Variants in CHD7 observed in about 807,000 individuals in gnomAD.
The protein encoded by CHD7 is ATP-dependent chromatin remodeler CHD7.
In CHD7, 24 loss-of-function variants were observed where a neutral mutation model predicts 307.3. The ratio of observed to expected loss-of-function variants is 0.08; its 90% CI spans 0.06 to 0.11. The LOEUF (loss-of-function observed/expected upper bound fraction) is 0.11. Among genes scored for constraint, CHD7 ranks in the 10% least tolerant of loss-of-function variants. The pLI, the probability that CHD7 is intolerant of heterozygous loss-of-function variation, is 1.00. For synonymous variants in CHD7, 1,363 were observed against 1,349.9 expected (o/e 1.01, Z -0.21); for missense variants, 3,106 against 3,727.1 (o/e 0.83, Z 4.34).
At chr8:60,812,053 A>C (rs998522283) in intron 7 of CHD7, among the ~76,000 whole-genome samples, 4 of 152,066 alleles carry the variant, frequency 2.6e-5, no homozygotes, top group African/African-American at 7.2e-5. Context: ...TTAGTTCTTT[A>C]TCTTGGGTTA....
At chr8:60,773,705 T>A (rs1056920910) in intron 2 of CHD7, among the ~76,000 whole-genome samples, 20 of 152,128 alleles carry the variant, frequency 1.3e-4, no homozygotes, top group Non-Finnish European at 2.5e-4. Context: ...CGGGCTAATT[T>A]TTTTGTGGTT....
At chr8:60,702,784 C>T (rs901628214) in intron 1 of CHD7, among the ~76,000 whole-genome samples, 2 of 152,248 alleles carry the variant, frequency 1.3e-5, no homozygotes, top group African/African-American at 4.8e-5. Context: ...CTATTTAGCA[C>T]ATACTTTTGT....
intron 2 of CHD7, among the ~76,000 whole-genome samples, chr8:60,758,038 T>C (rs918648666): frequency 6.6e-6 from 1 of 152,246 alleles, no homozygotes; most frequent in African/African-American, 2.4e-5. Flanking sequence ...ATTTACCATA[T>C]CAGAAATGAA....
rs1391310600 is a variant in CHD7, at chr8:60,867,966, CAAAG to C, written c.*2035_*2038del. The C allele has an allele frequency of 6.6e-6, 1 of 151,720 alleles. No homozygotes were observed. The highest frequency in any genetic ancestry group is 1.5e-5 in the Non-Finnish European group (1 of 68,030). The allele number at this position is 151,720 out of a possible 1,614,324, so 9.4% of individuals were successfully genotyped here. A position where few individuals can be genotyped will look rare whatever the true frequency, so the allele number is the denominator to read the frequency against. ...ATAGGAAATTTAAGTATTTAAGTAA[CAAAG>C]ATGTTAGCAGGGAGAATTTGCTTAA... On this transcript the variant is annotated 3_prime_UTR_variant, in exon 38 of 38. Transcript: ENST00000423902.
At chr8:60,780,979 A>G (rs1043674052) in intron 2 of CHD7, 21 bp from the exon 3 acceptor site, 3 of 1,505,652 alleles carry the variant, frequency 2.0e-6, no homozygotes, top group African/African-American at 2.8e-5. Flanking sequence ...ACTAATTTCA[A>G]TTCCTATTTG....
chr8:60,692,682 A>AT (rs1184918736), intron 1 of CHD7, among the ~76,000 whole-genome samples: 1 of 152,118 alleles, frequency 6.6e-6, no homozygotes, highest in Admixed American at 6.5e-5. Flanking sequence ...TCCCTTTTGG[A>AT]TAGAGGCCAT....
At chr8:60,848,217 G>A (rs1356634507) in intron 23 of CHD7, among the ~76,000 whole-genome samples, 2 of 152,208 alleles carry the variant, frequency 1.3e-5, no homozygotes, top group Non-Finnish European at 2.9e-5. Flanking sequence ...GGTAGGGTAC[G>A]TGTCTAAACT....
Position 60,716,750 on chromosome 8 carries a change from C to T in CHD7, c.-174-24509C>T, listed in dbSNP as rs77810853. On this transcript the variant is annotated intron_variant, in intron 1 of 37. Coordinates refer to ENST00000423902, the MANE Select transcript of CHD7 (RefSeq NM_017780.4). ...AAGGAATCGTTGTCCATAATGTTTA[C>T]TGATGCATCTCCAGTGCCTAGGACA... Among the ~76,000 whole-genome samples the T allele has an allele frequency of 6.5e-3, 996 of 152,330 alleles. 13 individuals carry two copies. Among genetic ancestry groups the T allele is most frequent in the Non-Finnish European group, 0.011 (724 of 68,030 alleles).
At chr8:60,830,668 T>C (rs1804468565) in intron 15 of CHD7, 91 bp downstream of exon 15, 1 of 1,415,816 alleles carries the variant, frequency 7.1e-7, no homozygotes, top group Non-Finnish European at 9.7e-7. Flanking sequence ...TCATGGTGTA[T>C]AGTCATTCCT....
At chr8:60,805,874 A>G (rs1344409318) in intron 6 of CHD7, among the ~76,000 whole-genome samples, 2 of 152,176 alleles carry the variant, frequency 1.3e-5, no homozygotes, top group Admixed American at 6.5e-5. Context: ...AATGCCTTCA[A>G]AATTGAAAAA....
intron 32 of CHD7, 27 bp from the exon 33 acceptor site, chr8:60,855,948 T>G (rs558700383): frequency 1.7e-5 from 25 of 1,489,510 alleles, no homozygotes; most frequent in Admixed American, 1.1e-4. Context: ...TTGTTAAAAT[T>G]TCTTGTGACT....
chr8:60,701,888 G>A (rs1362318697), intron 1 of CHD7, among the ~76,000 whole-genome samples: 5 of 152,228 alleles, frequency 3.3e-5, no homozygotes, highest in Admixed American at 3.3e-4. Flanking sequence ...ATGTAGGGTT[G>A]TTTTCTGCAC....
intron 1 of CHD7, among the ~76,000 whole-genome samples, chr8:60,740,820 C>T (rs948016921): frequency 2.0e-5 from 3 of 152,318 alleles, no homozygotes; most frequent in Non-Finnish European, 2.9e-5. Context: ...CTGATTACAC[C>T]GCTCAGGGGA....
chr8:60,830,663 G>A, intron 15 of CHD7, 86 bp downstream of exon 15: 4 of 1,457,704 alleles, frequency 2.7e-6, no homozygotes, highest in Non-Finnish European at 3.7e-6. Context: ...GGATTTCATG[G>A]TGTATAGTCA....
chr8:60,774,395 A>G (rs1337534248), intron 2 of CHD7, among the ~76,000 whole-genome samples: 1 of 152,242 alleles, frequency 6.6e-6, no homozygotes, highest in Non-Finnish European at 1.5e-5. Flanking sequence ...ATGTAACTAT[A>G]CAACAGATGA....
chr8:60,838,521 A>T (rs1050544500), intron 19 of CHD7, among the ~76,000 whole-genome samples: 1 of 152,036 alleles, frequency 6.6e-6, no homozygotes, highest in Admixed American at 6.5e-5. Flanking sequence ...TCTTGACTCT[A>T]TTGTCTCCAC....
At chr8:60,764,114 A>C (rs888120481) in intron 2 of CHD7, among the ~76,000 whole-genome samples, 7 of 152,164 alleles carry the variant, frequency 4.6e-5, no homozygotes, top group African/African-American at 1.4e-4. Context: ...AAGCCTCCCG[A>C]GTAGCTGGTA....
chr8:60,705,262 G>A (rs543697309), intron 1 of CHD7, among the ~76,000 whole-genome samples: 14 of 152,188 alleles, frequency 9.2e-5, no homozygotes, highest in Admixed American at 3.3e-4. Context: ...GAACTTGCGC[G>A]TTTGGCTTTA....
intron 2 of CHD7, among the ~76,000 whole-genome samples, chr8:60,774,342 CTG>C: frequency 6.6e-6 from 1 of 152,222 alleles, no homozygotes; most frequent in Admixed American, 6.5e-5. Context: ...ATTACAGGAA[CTG>C]AAGATGAGGT....
Sources: allele counts gnomAD v4.1 joint callset (sites outside exome capture counted in the v4.1 genomes callset), GRCh38; gene constraint gnomAD v4.1.1; transcripts MANE v1.5; gene names NCBI Gene and HGNC (gene_info 2026-07-23, HGNC 2026-07-21).